Variants in PQBP1 observed in about 807,000 individuals in gnomAD.
PQBP1 encodes the protein polyglutamine binding protein 1.
Under a neutral mutation model 20.9 loss-of-function variants are expected in PQBP1, and 3 were observed. The ratio of observed to expected loss-of-function variants is 0.14; its 90% CI spans 0.07 to 0.37. PQBP1 has a LOEUF of 0.37. Among genes scored for constraint, PQBP1 ranks in the 10% least tolerant of loss-of-function variants. The pLI, the probability that PQBP1 is intolerant of heterozygous loss-of-function variation, is 1.00. For missense variants in PQBP1, 162 were observed against 240.3 expected (o/e 0.67, Z 2.16); for synonymous variants, 83 against 93.8 (o/e 0.88, Z 0.67).
At position 48,898,423 on chromosome X, in the gene PQBP1, C is replaced by T. The variant is rs150603792; in HGVS notation, c.-18-69C>T. The T allele has an allele frequency of 2.8e-3, 2,742 of 982,613 alleles. 5 individuals carry two copies. The highest frequency in any genetic ancestry group is 2.9e-3 in the Non-Finnish European group (2,011 of 693,231). The allele number at this position is 982,613 out of a possible 1,213,427, so 81.0% of individuals were successfully genotyped here. A position where few individuals can be genotyped will look rare whatever the true frequency, so the allele number is the denominator to read the frequency against. ...CAGATGAGTACATGTTTACGGGAGG[C>T]GCTTGGTTACGGGATCCAGATAGGA... On this transcript the variant is annotated intron_variant, in intron 1 of 6. Transcript: ENST00000447146.
chrX:48,899,600 C>CA (rs1157873861), intron 2 of PQBP1, among the ~76,000 whole-genome samples: 5 of 109,025 alleles, frequency 4.6e-5, no homozygotes, highest in Admixed American at 1.9e-4. Flanking sequence ...GAAAAAAATC[C>CA]AAAAAAAACA....
At chrX:48,898,665 G>C in intron 2 of PQBP1, 89 bp downstream of exon 2, 1 of 947,244 alleles carries the variant, frequency 1.1e-6, no homozygotes, top group Non-Finnish European at 1.5e-6. Flanking sequence ...ACCTAGCATG[G>C]GCCAACTGTG....
In PQBP1 at chrX:48,902,346, G is replaced by A. The variant is rs1214370808; in HGVS notation, c.406G>A (p.Asp136Asn). The A allele has an allele frequency of 3.3e-6, 4 of 1,209,049 alleles. No homozygotes were observed. In the African/African-American group the frequency reaches 7.0e-5, roughly 21 times the overall value. The change falls in exon 5 of 7, where the codon GAC (aspartate) becomes AAC (asparagine). Residue 136 changes from aspartate (D) to asparagine (N), a missense_variant. Asp to Asn is a conservative substitution (Grantham distance 23). Transcript: ENST00000447146. ...CCACGACAAGTCAGACCGGGGCCAC[G>A]ACAAGTCTGACAGGGATCGAGAGCG... ...RGHDKSDRGHDKSDRDRERGY... is the reference protein window; with the variant it reads ...RGHDKSDRGHNKSDRDRERGY...
chrX:48,899,315 C>T (rs1260146397), intron 2 of PQBP1, among the ~76,000 whole-genome samples: 1 of 111,980 alleles, frequency 8.9e-6, no homozygotes, highest in African/African-American at 3.2e-5. Flanking sequence ...ACTGGCTGGG[C>T]GTGGCGGCTC....
intron 2 of PQBP1, among the ~76,000 whole-genome samples, chrX:48,900,964 C>A (rs1333531779): frequency 8.9e-6 from 1 of 112,016 alleles, no homozygotes; most frequent in Non-Finnish European, 1.9e-5. Context: ...TAGAACTCAT[C>A]ATCTGAACCC....
At chrX:48,902,638 C>A in intron 5 of PQBP1, 94 bp from the exon 6 acceptor site, 1 of 1,147,124 alleles carries the variant, frequency 8.7e-7, no homozygotes, top group Non-Finnish European at 1.2e-6. Context: ...TGGTACATGG[C>A]AGCCAGGGGC....
chrX:48,902,503 C>T lies in PQBP1; in HGVS notation c.563C>T (p.Pro188Leu), dbSNP rs797044734. The change falls in exon 5 of 7, where the codon CCC becomes CTC. Residue 188 changes from proline to leucine, a missense_variant. Pro to Leu is a moderately conservative substitution (Grantham distance 98). Transcript: ENST00000447146. ...CGCCGGGAGGAGCTGGCTCCCTATC[C>T]CAAGAGCAAGAAGGGTAAGCTGGGC... ...HHRREELAPY[P>L]KSKKAVSRKD... The T allele has an allele frequency of 8.3e-7, 1 of 1,204,132 alleles. No homozygotes were observed.
chrX:48,900,994 C>G (rs2063399949), intron 2 of PQBP1, among the ~76,000 whole-genome samples, 196 bp from the exon 3 acceptor site: 1 of 111,689 alleles, frequency 9.0e-6, no homozygotes, highest in South Asian at 3.7e-4. Context: ...TTTAGGTAAC[C>G]TTTTTTTGTA....
chrX:48,900,655 C>G (rs782038655), intron 2 of PQBP1, among the ~76,000 whole-genome samples: 1 of 110,881 alleles, frequency 9.0e-6, no homozygotes, highest in South Asian at 3.9e-4. Flanking sequence ...GTCCTGGGCT[C>G]AAATGAGCCT....
chrX:48,903,106 G>C lies in PQBP1; in HGVS notation c.*22G>C, dbSNP rs1557041973. The C allele has an allele frequency of 1.7e-6, 2 of 1,193,955 alleles. No homozygotes were observed. Among genetic ancestry groups the C allele is most frequent in the South Asian group, 1.8e-5 (1 of 54,479 alleles). ...TTGAAGCTTCGGCCTCCCTGGCCCT[G>C]GGTTAAAATAAAAGCTTTCTGGTGA... On this transcript the variant is annotated 3_prime_UTR_variant, in exon 7 of 7. Transcript: ENST00000447146.
chrX:48,902,933 C>A lies in PQBP1; in HGVS notation c.647C>A (p.Thr216Lys). 1 of 1,197,345 alleles carries A rather than the reference C, an allele frequency of 8.4e-7. No individual in the cohort carries two copies. The highest frequency in any genetic ancestry group is 1.1e-6 in the Non-Finnish European group (1 of 888,535). Residue 216 changes from threonine to lysine, a missense_variant, in exon 7 of 7, where the codon ACG becomes AAG. By Grantham distance (78) the Thr-to-Lys change is moderately conservative. Coordinates refer to ENST00000447146, the MANE Select transcript of PQBP1 (RefSeq NM_001032382.2). ...CCTGACTCTTTCACCGGCAGGGGCA[C>A]GTGGTCAACAGGACTCCCCAAGCGG... Reference protein sequence around the residue: ...PSSYSDAPRGTWSTGLPKRNE... With the variant: ...PSSYSDAPRGKWSTGLPKRNE...
At position 48,898,020 on chromosome X, in the gene PQBP1, G is replaced by A. The variant is rs2063334450; in HGVS notation, c.-81G>A. 3 of 999,442 alleles carry A rather than the reference G, an allele frequency of 3.0e-6. No individual in the cohort carries two copies. Among genetic ancestry groups the A allele is most frequent in the Admixed American group, 4.0e-5 (1 of 24,787 alleles). 82.4% of individuals were successfully genotyped at this position (999,442 alleles called of 1,213,427 possible). A position where few individuals can be genotyped will look rare whatever the true frequency, so the allele number is the denominator to read the frequency against. ...AGAGAGTCGTGTGGGCCCAGGTATC[G>A]TAGCGGCGACACGAGAGAGACGGGC... is the stretch of plus-strand genomic sequence containing the variant. On this transcript the variant is annotated 5_prime_UTR_variant, in exon 1 of 7. Transcript: ENST00000447146.
At position 48,898,785 on chromosome X, in the gene PQBP1, C is replaced by CTTTT. The variant is rs34214032; in HGVS notation, c.67+245_67+248dup. Among the ~76,000 whole-genome samples the CTTTT allele has an allele frequency of 1.4e-3, 29 of 21,481 alleles. 7 individuals are homozygous for CTTTT. Among genetic ancestry groups the CTTTT allele is most frequent in the African/African-American group, 4.1e-3 (22 of 5,419 alleles). 18.7% of individuals were successfully genotyped at this position (21,481 alleles called of 115,157 possible). On this transcript the variant is annotated intron_variant, in intron 2 of 6. Coordinates refer to ENST00000447146, the MANE Select transcript of PQBP1 (RefSeq NM_001032382.2). ...GGGTTGGGGGAATAGATATTTCATT[C>CTTTT]TTTTTTTTTTTTTTTTTTTTTTTTT...
At chrX:48,900,557 T>C (rs2063393547) in intron 2 of PQBP1, among the ~76,000 whole-genome samples, 1 of 107,347 alleles carries the variant, frequency 9.3e-6, no homozygotes, top group Non-Finnish European at 1.9e-5. Context: ...GGTATATATA[T>C]TATTTATTAT....
At chrX:48,898,179 G>A (rs1400849086) in intron 1 of PQBP1, 97 bp downstream of exon 1, 6 of 1,019,829 alleles carry the variant, frequency 5.9e-6, no homozygotes, top group African/African-American at 3.8e-5. Context: ...CGGCAGTCAT[G>A]GGGACGCTGG....
Position 48,901,307 on chromosome X carries a change from C to G in PQBP1, c.179+6C>G. On this transcript the variant is annotated splice_donor_region_variant and intron_variant, in intron 3 of 6. Coordinates refer to ENST00000447146, the MANE Select transcript of PQBP1 (RefSeq NM_001032382.2). ...AAGGTGTTCGACCCTTCCTGGTGAG[C>G]CTGGGTGAGGGGGAGCTAACTTCTG... The G allele has an allele frequency of 8.4e-7, 1 of 1,193,682 alleles. No individual in the cohort carries two copies. The highest frequency in any genetic ancestry group is 1.1e-6 in the Non-Finnish European group (1 of 886,111).
intron 3 of PQBP1, chrX:48,901,615 AT>A (rs2063414636): frequency 2.1e-6 from 1 of 473,858 alleles, no homozygotes; most frequent in Admixed American, 3.2e-5. Context: ...GGTAGCTGGG[AT>A]TACAGGTGCA....
chrX:48,901,142 G>A, intron 2 of PQBP1, 48 bp from the exon 3 acceptor site: 1 of 1,182,877 alleles, frequency 8.5e-7, no homozygotes, highest in South Asian at 1.9e-5. Flanking sequence ...GTAGGATGAG[G>A]TCCCCTGGTC....
chrX:48,901,388 G>T, intron 3 of PQBP1, 87 bp downstream of exon 3: 1 of 1,162,447 alleles, frequency 8.6e-7, no homozygotes. Context: ...CACAAGGGAG[G>T]GAGCCTCGGG....
Sources: gnomAD v4.1 joint callset for allele counts (sites outside exome capture counted in the v4.1 genomes callset) on GRCh38, gnomAD v4.1.1 for gene constraint, MANE v1.5 for transcripts, NCBI Gene and HGNC (gene_info 2026-07-23, HGNC 2026-07-21) for gene names.